Variants in BMPER observed in about 807,000 individuals in gnomAD.
BMPER encodes BMP-binding endothelial regulator protein.
BMPER carries 45 observed loss-of-function variants against 87.3 expected under a neutral mutation model. The observed-to-expected ratio is 0.52, with a 90% CI of 0.41 to 0.66. The LOEUF is 0.66. BMPER is among the 30% of genes least tolerant of loss of function. The probability of loss-of-function intolerance (pLI) is 0.00; values close to 1 mark genes in which losing one functional copy is unlikely to be tolerated. For synonymous variants in BMPER, 326 were observed against 316.2 expected, an observed-to-expected ratio of 1.03 and a Z score of -0.33; for missense variants, 784 against 867.5, an observed-to-expected ratio of 0.90 and a Z score of 1.21.
chr7:34,035,042 T>G (rs1179571606), intron 6 of BMPER, among the ~76,000 whole-genome samples: 1 of 152,152 alleles, frequency 6.6e-6, no homozygotes, highest in Non-Finnish European at 1.5e-5. Flanking sequence ...ATGGCCTAGA[T>G]TAGGATAGTC....
intron 3 of BMPER, among the ~76,000 whole-genome samples, chr7:33,946,713 T>G (rs1784902253): frequency 6.6e-6 from 1 of 152,200 alleles, no homozygotes; most frequent in Admixed American, 6.5e-5. Flanking sequence ...TTTACTTATT[T>G]TCCTCCGAAA....
chr7:33,914,907 A>T (rs1471363770), intron 2 of BMPER, among the ~76,000 whole-genome samples: 1 of 152,176 alleles, frequency 6.6e-6, no homozygotes, highest in Non-Finnish European at 1.5e-5. Flanking sequence ...TTCTAGGAGG[A>T]TGTCAAATAA....
chr7:34,008,953 C>T (rs1786808456), intron 6 of BMPER, among the ~76,000 whole-genome samples: 1 of 151,876 alleles, frequency 6.6e-6, no homozygotes, highest in African/African-American at 2.4e-5. Context: ...GAGATCCTCC[C>T]ACCTCAGCCT....
At chr7:33,942,952 C>T (rs1253573777) in intron 3 of BMPER, among the ~76,000 whole-genome samples, 3 of 152,132 alleles carry the variant, frequency 2.0e-5, no homozygotes, top group African/African-American at 7.2e-5. Flanking sequence ...AGTGGGGAGA[C>T]CTGAACCCCA....
Position 34,143,281 on chromosome 7 carries a change from C to G in BMPER, c.1797C>G (p.Cys599Trp). 6.2e-7 allele frequency: 1 copy of G among 1,613,978 alleles called. No homozygotes were observed. Among genetic ancestry groups the G allele is most frequent in the Non-Finnish European group, 8.5e-7 (1 of 1,179,950 alleles). ...GTCCAGTCCATAAAAACTGTTATTGCGAGTCATTTTTGGCATATACCCGGG... is the reference window on the plus strand; with the variant it reads ...GTCCAGTCCATAAAAACTGTTATTGGGAGTCATTTTTGGCATATACCCGGG... Reference protein sequence around the residue: ...CECPVHKNCYCESFLAYTRAC... With the variant: ...CECPVHKNCYWESFLAYTRAC... Residue 599 changes from cysteine to tryptophan, a missense_variant, in exon 14 of 15, where the codon TGC becomes TGG. Cys to Trp is a radical substitution (Grantham distance 215, BLOSUM62 -2). Coordinates refer to ENST00000649409, the MANE Select transcript of BMPER (RefSeq NM_001365308.1).
At chr7:34,089,773 T>C (rs532104774) in intron 13 of BMPER, among the ~76,000 whole-genome samples, 15 of 152,282 alleles carry the variant, frequency 9.9e-5, no homozygotes, top group African/African-American at 3.1e-4. Context: ...TGTGAGCCAC[T>C]GTGCCCACCC....
At chr7:34,106,861 A>AT (rs1274438495) in intron 13 of BMPER, among the ~76,000 whole-genome samples, 5 of 152,062 alleles carry the variant, frequency 3.3e-5, no homozygotes, top group East Asian at 1.9e-4. Flanking sequence ...GCCTCAGGCC[A>AT]TTTTTTCTAG....
rs78863722 is a variant in BMPER at position 34,104,978 on chromosome 7, T to G, written c.1745+18886T>G. On this transcript the variant is annotated intron_variant, in intron 13 of 14. Coordinates refer to ENST00000649409, the MANE Select transcript of BMPER (RefSeq NM_001365308.1). ...ACCCCATACATGTAGTTTTATTTGCTTATTTTCAATGATCTGTCTTCTGGA... is the reference window on the plus strand; with the variant it reads ...ACCCCATACATGTAGTTTTATTTGCGTATTTTCAATGATCTGTCTTCTGGA... Among the ~76,000 whole-genome samples, 670 of 152,358 alleles carry G rather than the reference T, an allele frequency of 4.4e-3. 3 individuals carry two copies. The highest frequency in any genetic ancestry group is 0.014 in the African/African-American group (596 of 41,576).
intron 2 of BMPER, among the ~76,000 whole-genome samples, chr7:33,933,858 T>C (rs955358201): frequency 1.3e-5 from 2 of 152,224 alleles, no homozygotes; most frequent in African/African-American, 4.8e-5. Flanking sequence ...ATTCCAGATC[T>C]GTGTCTTGGG....
At chr7:33,984,284 G>A (rs1785940740) in intron 6 of BMPER, among the ~76,000 whole-genome samples, 1 of 152,018 alleles carries the variant, frequency 6.6e-6, no homozygotes, top group Non-Finnish European at 1.5e-5. Flanking sequence ...TGACCAATAT[G>A]GTGAAACCCT....
At chr7:34,082,602 A>T (rs1212980584) in intron 12 of BMPER, among the ~76,000 whole-genome samples, 3 of 152,288 alleles carry the variant, frequency 2.0e-5, no homozygotes, top group African/African-American at 7.2e-5. Flanking sequence ...TTTATGAATG[A>T]GATGTCACGA....
intron 6 of BMPER, among the ~76,000 whole-genome samples, chr7:34,020,931 T>TGTATA (rs1353954546): frequency 6.6e-6 from 1 of 151,788 alleles, no homozygotes; most frequent in East Asian, 1.9e-4. Flanking sequence ...AGGGTGTGTG[T>TGTATA]GTATAAAGAG....
At chr7:33,971,164 G>A (rs1200695530) in intron 5 of BMPER, among the ~76,000 whole-genome samples, 2 of 150,544 alleles carry the variant, frequency 1.3e-5, no homozygotes, top group African/African-American at 4.9e-5. Context: ...GTGGTGATAC[G>A]ACTACTGCTC....
At chr7:34,016,005 AGAGT>A (rs1407746839) in intron 6 of BMPER, among the ~76,000 whole-genome samples, 1 of 151,680 alleles carries the variant, frequency 6.6e-6, no homozygotes, top group East Asian at 1.9e-4. Flanking sequence ...AGGAAGAGAG[AGAGT>A]GAGAGAGAGA....
At chr7:34,068,170 G>A (rs1471281045) in intron 11 of BMPER, among the ~76,000 whole-genome samples, 1 of 152,220 alleles carries the variant, frequency 6.6e-6, no homozygotes, top group African/African-American at 2.4e-5. Context: ...CAGCCGTCTT[G>A]TGGTCAAATA....
chr7:33,967,404 A>G (rs1199410814), intron 4 of BMPER, among the ~76,000 whole-genome samples: 2 of 152,174 alleles, frequency 1.3e-5, no homozygotes, highest in Non-Finnish European at 2.9e-5. Context: ...CTTTGCTCTT[A>G]TCTTAAGCAT....
At chr7:34,025,820 G>T (rs902958541) in intron 6 of BMPER, among the ~76,000 whole-genome samples, 1 of 152,044 alleles carries the variant, frequency 6.6e-6, no homozygotes, top group Admixed American at 6.6e-5. Context: ...AAGGACAAGC[G>T]CTGGATATAG....
At chr7:34,109,771 T>G (rs2127985604) in intron 13 of BMPER, among the ~76,000 whole-genome samples, 1 of 152,364 alleles carries the variant, frequency 6.6e-6, no homozygotes, top group African/African-American at 2.4e-5. Context: ...GAAATTCATT[T>G]TCTTTACTCC....
chr7:34,097,462 G>A (rs1789558568), intron 13 of BMPER, among the ~76,000 whole-genome samples: 1 of 152,160 alleles, frequency 6.6e-6, no homozygotes, highest in Non-Finnish European at 1.5e-5. Flanking sequence ...CTGAGCAGGG[G>A]TTTAGTAAAG....
Sources: gnomAD v4.1 joint callset for allele counts (sites outside exome capture counted in the v4.1 genomes callset) on GRCh38, gnomAD v4.1.1 for gene constraint, MANE v1.5 for transcripts, NCBI Gene and HGNC (gene_info 2026-07-23, HGNC 2026-07-21) for gene names.